The following ABCB4 variants were observed in gnomAD, a reference collection of about 807,000 sequenced individuals.
ABCB4 encodes the protein phosphatidylcholine translocator ABCB4.
Under a neutral mutation model 145.7 loss-of-function variants are expected in ABCB4, and 76 were observed. The ratio of observed to expected loss-of-function variants is 0.52; its 90% CI spans 0.43 to 0.63. The LOEUF (loss-of-function observed/expected upper bound fraction) is 0.63. ABCB4 is among the 30% of genes least tolerant of loss of function. ABCB4 has a pLI of 0.00. For synonymous variants in ABCB4, 517 were observed against 566.8 expected, an observed-to-expected ratio of 0.91 and a Z score of 1.25; for missense variants, 1,234 against 1,553.1, an observed-to-expected ratio of 0.79 and a Z score of 3.45.
At chr7:87,368,400 G>C in the ABCB4 span, among the ~76,000 whole-genome samples, 4 of 152,218 alleles carry the variant, frequency 2.6e-5, no homozygotes, top group East Asian at 3.9e-4. Context: ...AGTGGTGGTC[G>C]TAGAGGTAAA....
Position 87,422,211 on chromosome 7 carries a change from G to T in ABCB4, c.2226C>A (p.Gly742=), listed in dbSNP as rs773668999. The change falls in exon 18 of 28, where the codon GGC becomes GGA. Residue 742 remains glycine (G), a synonymous_variant. Transcript: ENST00000649586. ...FSEIIAIFGP[G]DDAVKQQKCN... Reference sequence around the variant, plus strand: ...ACTTCTGCTGCTTCACTGCATCATCGCCTGGTCCAAAAATCTACAAAAGAA... The same window carrying T: ...ACTTCTGCTGCTTCACTGCATCATCTCCTGGTCCAAAAATCTACAAAAGAA... The T allele has an allele frequency of 3.1e-6, 5 of 1,612,934 alleles. No individual in the cohort carries two copies. The highest frequency in any genetic ancestry group is 4.2e-6 in the Non-Finnish European group (5 of 1,179,196).
chr7:87,474,848 C>T (rs1813681210), intron 2 of ABCB4, among the ~76,000 whole-genome samples: 1 of 152,012 alleles, frequency 6.6e-6, no homozygotes, highest in Non-Finnish European at 1.5e-5. Context: ...GTTCCCCCTC[C>T]CCACCTATCC....
At chr7:87,419,446 TACAGTACCAGCCACCA>T in intron 19 of ABCB4, among the ~76,000 whole-genome samples, 1 of 152,336 alleles carries the variant, frequency 6.6e-6, no homozygotes, top group Middle Eastern at 3.4e-3. Context: ...TAATGGATTA[TACAGTACCAGCCACCA>T]GCACAGTGTC....
At chr7:87,407,989 G>C in intron 25 of ABCB4, 48 bp downstream of exon 25, 1 of 1,604,864 alleles carries the variant, frequency 6.2e-7, no homozygotes. Context: ...TATTGGTTGG[G>C]CCAATTAAAA....
chr7:87,374,737 T>A, the ABCB4 span, among the ~76,000 whole-genome samples: 4 of 152,026 alleles, frequency 2.6e-5, no homozygotes, highest in South Asian at 2.1e-4. Context: ...GTGTTACAGA[T>A]ATAATGAACA....
intron 8 of ABCB4, chr7:87,448,558 C>G (rs1033244863): frequency 6.6e-6 from 1 of 152,248 alleles, no homozygotes; most frequent in Non-Finnish European, 1.5e-5. Flanking sequence ...AGACTTGCAT[C>G]TGCCCAGTGT....
Position 87,462,362 on chromosome 7 carries a change from T to A in ABCB4, c.286+396A>T, listed in dbSNP as rs181811853. On this transcript the variant is annotated intron_variant, in intron 4 of 27. Coordinates refer to ENST00000649586, the MANE Select transcript of ABCB4 (RefSeq NM_000443.4). ...GAAGAAAAGAAAACCCAGAAACAGA[T>A]CTACAAGCTAAACACAGCTAAGAAG... Among the ~76,000 whole-genome samples, 3 of 152,198 alleles carry A rather than the reference T, an allele frequency of 2.0e-5. No individual in the cohort carries two copies. In the East Asian group the frequency reaches 5.8e-4, roughly 29 times the overall value.
intron 3 of ABCB4, among the ~76,000 whole-genome samples, chr7:87,465,016 C>T (rs961745372): frequency 3.9e-5 from 6 of 152,146 alleles, no homozygotes; most frequent in South Asian, 2.1e-4. Flanking sequence ...TGCGGCTTGT[C>T]GGACAGTGGG....
the ABCB4 span, among the ~76,000 whole-genome samples, chr7:87,367,354 A>T: frequency 6.6e-6 from 1 of 152,174 alleles, no homozygotes; most frequent in African/African-American, 2.4e-5. Context: ...AAAAGCTGGA[A>T]AAAGGAAGGA....
chr7:87,450,061 G>A lies in ABCB4; in HGVS notation c.740C>T (p.Ala247Val). ...ILSAFSDKELAAYAKAGAVAE... is the reference protein window; with the variant it reads ...ILSAFSDKELVAYAKAGAVAE... Reference sequence around the variant, plus strand: ...CACGGCGCCTGCTTTTGCATAAGCAGCTAGTTCTTTGTCACTAAATGCCGA... The same window carrying A: ...CACGGCGCCTGCTTTTGCATAAGCAACTAGTTCTTTGTCACTAAATGCCGA... Residue 247 changes from alanine (A) to valine (V), a missense_variant, in exon 8 of 28, where the codon GCT becomes GTT. By Grantham distance (64) the Ala-to-Val change is moderately conservative (BLOSUM62 0). Around this residue, in one of 7 missense-constraint regions of ABCB4, gnomAD observed 467 missense variants for 632.8 expected, o/e 0.74. Transcript: ENST00000649586. The A allele has an allele frequency of 6.2e-7, 1 of 1,614,160 alleles. No individual in the cohort carries two copies. Among genetic ancestry groups the A allele is most frequent in the Non-Finnish European group, 8.5e-7 (1 of 1,180,014 alleles).
chr7:87,422,434 T>C (rs1809510435), intron 17 of ABCB4, among the ~76,000 whole-genome samples: 1 of 152,182 alleles, frequency 6.6e-6, no homozygotes, highest in African/African-American at 2.4e-5. Flanking sequence ...TACAGTCACA[T>C]TGTTGTGCAA....
intron 2 of ABCB4, among the ~76,000 whole-genome samples, chr7:87,473,163 G>A (rs187993165): frequency 7.2e-5 from 11 of 152,268 alleles, no homozygotes; most frequent in East Asian, 1.9e-4. Flanking sequence ...CACCTATGCC[G>A]CTTCAGTCTA....
At chr7:87,422,071 C>T in intron 18 of ABCB4, 50 bp downstream of exon 18, 1 of 1,293,424 alleles carries the variant, frequency 7.7e-7, no homozygotes, top group Non-Finnish European at 1.1e-6. Context: ...AATTTAATTT[C>T]TCTAATTAAA....
At chr7:87,398,470 C>A (rs1807623951), downstream of ABCB4, 3 of 1,601,712 alleles carry the variant, frequency 1.9e-6, no homozygotes, top group African/African-American at 4.0e-5. Context: ...TTGTATTCAC[C>A]ATCACTATTT....
the ABCB4 span, among the ~76,000 whole-genome samples, chr7:87,391,405 C>T: frequency 6.6e-6 from 1 of 152,186 alleles, no homozygotes; most frequent in East Asian, 1.9e-4. Flanking sequence ...AAACAGCCCA[C>T]ATTATCAGAG....
intron 15 of ABCB4, among the ~76,000 whole-genome samples, chr7:87,429,814 ACT>A (rs1810079257): frequency 6.6e-6 from 1 of 151,532 alleles, no homozygotes; most frequent in Admixed American, 6.6e-5. Context: ...GAGTTATAAA[ACT>A]TTTCGTCATT....
chr7:87,465,186 G>A (rs1022872000), intron 3 of ABCB4, among the ~76,000 whole-genome samples: 30 of 152,182 alleles, frequency 2.0e-4, no homozygotes, highest in African/African-American at 7.2e-4. Context: ...CTAATACTGC[G>A]CTTTTCCAAT....
intron 3 of ABCB4, among the ~76,000 whole-genome samples, chr7:87,463,316 G>T (rs1292941455): frequency 6.6e-6 from 1 of 151,858 alleles, no homozygotes; most frequent in Non-Finnish European, 1.5e-5. Flanking sequence ...TTCAGAGGGA[G>T]AATTTAAAAT....
intron 6 of ABCB4, 122 bp downstream of exon 6, chr7:87,452,822 C>T (rs1009286396): frequency 7.8e-6 from 9 of 1,153,036 alleles, no homozygotes; most frequent in African/African-American, 3.0e-5. Flanking sequence ...GCCAGATGAT[C>T]GATTTCTAAT....
Sources: gnomAD v4.1 joint callset for allele counts (sites outside exome capture counted in the v4.1 genomes callset) on GRCh38, gnomAD v4.1.1 for gene constraint, gnomAD v4.1.1 regional missense constraint, MANE v1.5 for transcripts, NCBI Gene and HGNC (gene_info 2026-07-23, HGNC 2026-07-21) for gene names.